The following APBB2 variants were observed in gnomAD, a reference collection of about 807,000 sequenced individuals.
APBB2 encodes the protein Fe65-like 1.
A neutral mutation model predicts 82.5 loss-of-function variants in APBB2; 38 were observed. That is an observed-to-expected ratio of 0.46 (90% CI 0.36 to 0.60). The LOEUF is 0.60. Among genes scored for constraint, APBB2 ranks in the 20% least tolerant of loss-of-function variants. The pLI, the probability that APBB2 is intolerant of heterozygous loss-of-function variation, is 0.00. For synonymous variants in APBB2, 341 were observed against 368.2 expected (o/e 0.93, Z 0.85); for missense variants, 772 against 972.3 (o/e 0.79, Z 2.74).
intron 4 of APBB2, among the ~76,000 whole-genome samples, chr4:41,064,451 T>G (rs531205695): frequency 1.3e-5 from 2 of 152,212 alleles, no homozygotes; most frequent in Non-Finnish European, 2.9e-5. Context: ...TATGGGGAAT[T>G]ACCCCAAATT....
chr4:40,950,481 G>T (rs1166057378), intron 6 of APBB2, among the ~76,000 whole-genome samples: 3 of 152,312 alleles, frequency 2.0e-5, no homozygotes, highest in Middle Eastern at 3.4e-3. Flanking sequence ...GGAGGTCAAG[G>T]CGGGAGAACT....
At chr4:41,154,715 T>TG (rs745853204) in intron 1 of APBB2, among the ~76,000 whole-genome samples, 3 of 152,212 alleles carry the variant, frequency 2.0e-5, no homozygotes, top group Non-Finnish European at 4.4e-5. Context: ...TTAGACATTT[T>TG]GGCAGAATTT....
At chr4:40,831,326 C>T (rs1014249566) in intron 12 of APBB2, among the ~76,000 whole-genome samples, 2 of 151,850 alleles carry the variant, frequency 1.3e-5, no homozygotes, top group African/African-American at 4.8e-5. Flanking sequence ...CTGAACAGCC[C>T]AGGAGGCAGA....
Position 40,811,117 on chromosome 4 carries a change from T to G in APBB2, c.*4975A>C, listed in dbSNP as rs1156310570. 6.6e-6 allele frequency: 1 copy of G among 152,220 alleles called. No homozygotes were observed. Among genetic ancestry groups the G allele is most frequent in the Non-Finnish European group, 1.5e-5 (1 of 68,042 alleles). The allele number at this position is 152,220 out of a possible 1,614,324, so 9.4% of individuals were successfully genotyped here. On this transcript the variant is annotated 3_prime_UTR_variant, in exon 18 of 18. Transcript: ENST00000508593. Reference sequence around the variant, plus strand: ...ACATTGATTATCTCCTAACATGCATTTGGCACTAAATTATTTTTCTCTTTA... The same window carrying G: ...ACATTGATTATCTCCTAACATGCATGTGGCACTAAATTATTTTTCTCTTTA...
chr4:41,092,499 G>T (rs112851880), intron 3 of APBB2, among the ~76,000 whole-genome samples: 1 of 151,948 alleles, frequency 6.6e-6, no homozygotes, highest in Non-Finnish European at 1.5e-5. Flanking sequence ...GACCAGCCTG[G>T]CCAACATAGT....
At chr4:41,100,794 T>A (rs985810186) in intron 2 of APBB2, 44 bp from the exon 3 acceptor site, 17 of 152,082 alleles carry the variant, frequency 1.1e-4, no homozygotes, top group African/African-American at 3.9e-4. Flanking sequence ...CAAAATCATA[T>A]CAGAAATGAA....
At chr4:40,850,113 C>T (rs1352326317) in intron 12 of APBB2, among the ~76,000 whole-genome samples, 2 of 152,072 alleles carry the variant, frequency 1.3e-5, no homozygotes, top group South Asian at 4.2e-4. Flanking sequence ...CTTTAAAAAA[C>T]GAAAACCACA....
At chr4:41,010,583 C>A (rs966789606) in intron 6 of APBB2, among the ~76,000 whole-genome samples, 1 of 152,160 alleles carries the variant, frequency 6.6e-6, no homozygotes, top group African/African-American at 2.4e-5. Context: ...AGTGCACAAA[C>A]TTTGCCCTCT....
chr4:41,014,398 G>A lies in APBB2; in HGVS notation c.20C>T (p.Ala7Val). MSEVLP[A>V]DSGVDTLAVF... ...TGCCAAGGTGTCAACACCTGAGTCAGCTGGGGAAAAAAAAAGTCATTAGAC... is the reference window on the plus strand; with the variant it reads ...TGCCAAGGTGTCAACACCTGAGTCAACTGGGGAAAAAAAAAGTCATTAGAC... The change falls in exon 6 of 18, where the codon GCT (alanine) becomes GTT (valine). Residue 7 changes from alanine (A) to valine (V), a missense_variant and splice_region_variant. Transcript: ENST00000508593. 1.2e-6 allele frequency: 2 copies of A among 1,611,370 alleles called. No homozygotes were observed. Among genetic ancestry groups the A allele is most frequent in the Non-Finnish European group, 1.7e-6 (2 of 1,179,032 alleles).
intron 12 of APBB2, among the ~76,000 whole-genome samples, chr4:40,863,372 G>A (rs1252320365): frequency 6.6e-6 from 1 of 152,186 alleles, no homozygotes; most frequent in Admixed American, 6.5e-5. Context: ...AAACTTCAAT[G>A]TGCAAATGCA....
intron 12 of APBB2, among the ~76,000 whole-genome samples, chr4:40,890,050 G>A (rs1461019021): frequency 6.6e-6 from 1 of 152,098 alleles, no homozygotes; most frequent in Non-Finnish European, 1.5e-5. Context: ...CAGAGAGGAG[G>A]GGAAAAAGGG....
At chr4:40,907,826 TA>T (rs1777459077) in intron 10 of APBB2, among the ~76,000 whole-genome samples, 2 of 151,522 alleles carry the variant, frequency 1.3e-5, no homozygotes, top group Non-Finnish European at 2.9e-5. Flanking sequence ...GCCTGCTAAT[TA>T]AAAAAAGGTG....
At chr4:41,029,621 G>T (rs1715892961) in intron 5 of APBB2, among the ~76,000 whole-genome samples, 1 of 152,102 alleles carries the variant, frequency 6.6e-6, no homozygotes, top group South Asian at 2.1e-4. Context: ...ATCTTAACGA[G>T]CTTGATTTAG....
At chr4:40,831,788 A>G (rs147079830) in intron 12 of APBB2, among the ~76,000 whole-genome samples, 3 of 152,158 alleles carry the variant, frequency 2.0e-5, no homozygotes, top group African/African-American at 7.2e-5. Flanking sequence ...GAGCGACGGC[A>G]GCGGCGGCAC....
intron 6 of APBB2, among the ~76,000 whole-genome samples, chr4:40,967,549 G>A (rs1794969297): frequency 6.6e-6 from 1 of 152,180 alleles, no homozygotes; most frequent in African/African-American, 2.4e-5. Context: ...TCCAGCCACA[G>A]CCTCACAGGG....
intron 1 of APBB2, among the ~76,000 whole-genome samples, chr4:41,166,093 C>G (rs184232105): frequency 1.4e-3 from 211 of 151,886 alleles, no homozygotes; most frequent in Non-Finnish European, 2.5e-3. Context: ...CCAGGATGGT[C>G]TCAATCTCCT....
At chr4:40,933,144 G>A (rs977241340) in intron 10 of APBB2, among the ~76,000 whole-genome samples, 16 of 152,204 alleles carry the variant, frequency 1.1e-4, no homozygotes, top group African/African-American at 3.6e-4. Context: ...GATTACAGGC[G>A]TAAGGCACCA....
intron 6 of APBB2, among the ~76,000 whole-genome samples, chr4:40,996,098 C>G (rs1332194296): frequency 2.0e-5 from 3 of 152,168 alleles, no homozygotes; most frequent in Admixed American, 6.6e-5. Flanking sequence ...TGTGAGTGCT[C>G]AAGCATGCTT....
chr4:40,932,423 G>A (rs1401263275), intron 10 of APBB2, among the ~76,000 whole-genome samples: 3 of 152,212 alleles, frequency 2.0e-5, no homozygotes, highest in Non-Finnish European at 4.4e-5. Flanking sequence ...ACCAGAAGCA[G>A]CACAGATTTC....
Sources: allele counts gnomAD v4.1 joint callset (sites outside exome capture counted in the v4.1 genomes callset), GRCh38; gene constraint gnomAD v4.1.1; transcripts MANE v1.5; gene names NCBI Gene and HGNC (gene_info 2026-07-23, HGNC 2026-07-21).